SV2C: variants seen among roughly 807,000 people sequenced by gnomAD.
SV2C encodes synaptic vesicle glycoprotein 2C.
SV2C carries 49 observed loss-of-function variants against 79.7 expected under a neutral mutation model. The ratio of observed to expected loss-of-function variants is 0.61; its 90% CI spans 0.49 to 0.78. The LOEUF (loss-of-function observed/expected upper bound fraction) is 0.78. Ranked by LOEUF, SV2C falls within the 30% of genes least tolerant of loss-of-function variation. The pLI is 0.00. For synonymous variants in SV2C, 334 were observed against 333.2 expected (o/e 1.00, Z -0.03); for missense variants, 833 against 912.9 (o/e 0.91, Z 1.13).
chr5:75,940,200 C>CA, the SV2C span, among the ~76,000 whole-genome samples: 266 of 152,118 alleles, frequency 1.7e-3, 1 homozygote, highest in African/African-American at 5.9e-3. Flanking sequence ...CTCATCTCTA[C>CA]AAAAAATACA....
intron 12 of SV2C, among the ~76,000 whole-genome samples, chr5:76,310,300 G>A (rs911271078): frequency 1.3e-5 from 2 of 152,222 alleles, no homozygotes; most frequent in Non-Finnish European, 2.9e-5. Flanking sequence ...AGTTACAACT[G>A]TAAATAGAAT....
chr5:75,864,047 A>G, the SV2C span, among the ~76,000 whole-genome samples: 1 of 152,176 alleles, frequency 6.6e-6, no homozygotes, highest in African/African-American at 2.4e-5. Context: ...TTTTAGTGTA[A>G]TATTCTATAC....
the SV2C span, among the ~76,000 whole-genome samples, chr5:76,016,260 A>AAAAAAAAC: frequency 6.7e-6 from 1 of 149,496 alleles, no homozygotes; most frequent in Non-Finnish European, 1.5e-5. Context: ...TTTCTAAAAA[A>AAAAAAAAC]AAAAAAAAAA....
At chr5:75,939,868 A>G in the SV2C span, among the ~76,000 whole-genome samples, 1 of 151,916 alleles carries the variant, frequency 6.6e-6, no homozygotes, top group East Asian at 1.9e-4. Context: ...TCTCCTCCCC[A>G]TCTTCACCTG....
intron 4 of SV2C, among the ~76,000 whole-genome samples, chr5:76,215,096 CT>C (rs753645692): frequency 1.4e-4 from 21 of 152,144 alleles, no homozygotes; most frequent in Non-Finnish European, 2.4e-4. Context: ...AGAGGGAAAG[CT>C]TTTAGATTTT....
chr5:76,043,690 G>A, the SV2C span, among the ~76,000 whole-genome samples: 1 of 152,262 alleles, frequency 6.6e-6, no homozygotes, highest in South Asian at 2.1e-4. Flanking sequence ...GCCACAGAGT[G>A]TATAACTTTA....
intron 2 of SV2C, among the ~76,000 whole-genome samples, chr5:76,140,892 G>C (rs1006633392): frequency 9.9e-5 from 15 of 152,130 alleles, no homozygotes; most frequent in Admixed American, 2.0e-4. Flanking sequence ...CTCTGTCTCT[G>C]TTTAGCCTCT....
intron 1 of SV2C, among the ~76,000 whole-genome samples, chr5:76,122,386 G>A (rs1409433864): frequency 6.6e-6 from 1 of 151,380 alleles, no homozygotes; most frequent in Admixed American, 6.6e-5. Context: ...TAATTGCCCT[G>A]GCCAGAACTT....
chr5:75,875,003 T>C, the SV2C span, among the ~76,000 whole-genome samples: 18,979 of 152,182 alleles, frequency 0.12, 1,398 homozygotes, highest in African/African-American at 0.22. Flanking sequence ...ACAGATTCAA[T>C]GCTATTCCTA....
chr5:75,927,883 A>G, the SV2C span, among the ~76,000 whole-genome samples: 1 of 152,190 alleles, frequency 6.6e-6, no homozygotes, highest in Non-Finnish European at 1.5e-5. Flanking sequence ...AGAGCAAGGG[A>G]AGGAACCCTC....
At chr5:75,897,340 C>T in the SV2C span, among the ~76,000 whole-genome samples, 1 of 151,792 alleles carries the variant, frequency 6.6e-6, no homozygotes, top group African/African-American at 2.4e-5. Context: ...TTCCTCATTG[C>T]TTGTTTTTGT....
chr5:76,345,748 C>G (rs868690146), intron 12 of SV2C, among the ~76,000 whole-genome samples: 7 of 152,290 alleles, frequency 4.6e-5, no homozygotes, highest in Middle Eastern at 3.4e-3. Context: ...TTCATCCTCC[C>G]AGGAACCCTA....
chr5:76,041,531 C>T, the SV2C span, among the ~76,000 whole-genome samples: 1 of 152,154 alleles, frequency 6.6e-6, no homozygotes, highest in African/African-American at 2.4e-5. Flanking sequence ...AAAGCAAGCT[C>T]AGGACATCTG....
intron 4 of SV2C, among the ~76,000 whole-genome samples, chr5:76,215,589 C>T (rs536631259): frequency 1.1e-4 from 17 of 152,292 alleles, no homozygotes; most frequent in Admixed American, 6.5e-4. Context: ...CTGAAATCTG[C>T]GTTGTATAAA....
intron 1 of SV2C, among the ~76,000 whole-genome samples, chr5:76,090,491 G>T (rs1023742692): frequency 1.3e-5 from 2 of 152,124 alleles, no homozygotes; most frequent in Non-Finnish European, 2.9e-5. Context: ...ACCTAGTTCA[G>T]TGTTCTTTCT....
chr5:76,130,386 A>G (rs1250848786), intron 1 of SV2C, among the ~76,000 whole-genome samples: 1 of 152,146 alleles, frequency 6.6e-6, no homozygotes, highest in African/African-American at 2.4e-5. Context: ...GTTTGTCTTT[A>G]TTGCTGGGTT....
At chr5:75,871,250 CA>C in the SV2C span, among the ~76,000 whole-genome samples, 17 of 151,718 alleles carry the variant, frequency 1.1e-4, no homozygotes, top group Non-Finnish European at 2.4e-4. Flanking sequence ...AGGCTTTTTT[CA>C]AAATCAAAAC....
At chr5:76,135,961 G>A (rs913167905) in intron 2 of SV2C, among the ~76,000 whole-genome samples, 1 of 152,156 alleles carries the variant, frequency 6.6e-6, no homozygotes, top group Non-Finnish European at 1.5e-5. Context: ...CATCAGAGGG[G>A]CTGGCCTCCC....
At chr5:76,243,441 A>G (rs1419244733) in intron 4 of SV2C, among the ~76,000 whole-genome samples, 1 of 152,164 alleles carries the variant, frequency 6.6e-6, no homozygotes, top group Admixed American at 6.5e-5. Context: ...GGCAGTCCAC[A>G]TGAGCATCTT....
Sources: allele counts gnomAD v4.1 joint callset (sites outside exome capture counted in the v4.1 genomes callset), GRCh38; gene constraint gnomAD v4.1.1; transcripts MANE v1.5; gene names NCBI Gene and HGNC (gene_info 2026-07-23, HGNC 2026-07-21).